USP7: variants seen among roughly 807,000 people sequenced by gnomAD.
USP7 encodes the protein ubiquitin C-terminal hydrolase 7.
Under a neutral mutation model 162.9 loss-of-function variants are expected in USP7, and 9 were observed. The observed-to-expected ratio is 0.06, with a 90% CI of 0.03 to 0.10. The LOEUF is 0.10. USP7 is among the 10% of genes least tolerant of loss of function. USP7 has a pLI of 1.00. For missense variants in USP7, 715 were observed against 1,373.7 expected, an observed-to-expected ratio of 0.52 and a Z score of 7.58; for synonymous variants, 562 against 475.9, an observed-to-expected ratio of 1.18 and a Z score of -2.35.
At chr16:8,923,666 T>A (rs998027912) in intron 2 of USP7, among the ~76,000 whole-genome samples, 2 of 152,174 alleles carry the variant, frequency 1.3e-5, no homozygotes, top group East Asian at 3.9e-4. Context: ...TCAGACTGAG[T>A]TCCACATGAG....
intron 1 of USP7, among the ~76,000 whole-genome samples, chr16:8,955,292 T>C (rs1020073813): frequency 6.6e-6 from 1 of 152,248 alleles, no homozygotes; most frequent in Non-Finnish European, 1.5e-5. Flanking sequence ...CACCCCAGGC[T>C]AGAGTGCAGT....
intron 12 of USP7, 107 bp downstream of exon 12, chr16:8,908,234 A>C (rs1028867657): frequency 4.4e-6 from 4 of 902,718 alleles, no homozygotes; most frequent in Non-Finnish European, 7.0e-6. Context: ...AAATCTAAAT[A>C]AATCAGATGT....
intron 10 of USP7, among the ~76,000 whole-genome samples, chr16:8,913,985 G>C (rs573659101): frequency 6.6e-6 from 1 of 151,802 alleles, no homozygotes; most frequent in East Asian, 1.9e-4. Flanking sequence ...CAATCCTCCC[G>C]ACTCAGCCTC....
chr16:8,917,512 G>A (rs1470789076), intron 6 of USP7, among the ~76,000 whole-genome samples: 1 of 152,088 alleles, frequency 6.6e-6, no homozygotes, highest in African/African-American at 2.4e-5. Flanking sequence ...CCGAGTAGCT[G>A]GAATTACAGG....
intron 2 of USP7, chr16:8,929,355 C>T: frequency 2.5e-6 from 1 of 401,348 alleles, no homozygotes. Flanking sequence ...CGGGTTTAGA[C>T]CACGCCTCTT....
At chr16:8,898,824 G>A in intron 23 of USP7, 185 bp from the exon 24 acceptor site, 1 of 618,240 alleles carries the variant, frequency 1.6e-6, no homozygotes, top group South Asian at 2.1e-5. Context: ...ACACTTGAAT[G>A]CTCTCTGCAA....
chr16:8,894,049 T>C lies in USP7; in HGVS notation c.3258A>G (p.Pro1086=). 6.2e-7 allele frequency: 1 copy of C among 1,614,166 alleles called. No individual in the cohort carries two copies. Among genetic ancestry groups the C allele is most frequent in the Non-Finnish European group, 8.5e-7 (1 of 1,180,044 alleles). Residue 1086 remains proline, a synonymous_variant, in exon 31 of 31, where the codon CCA becomes CCG. Coordinates refer to ENST00000344836, the MANE Select transcript of USP7 (RefSeq NM_003470.3). ...WLGLDHFNKA[P]KRSRYTYLEK... ...CAAGGTAAGTGTAGCGACTCCTCTT[T>C]GGGGCTTTGTTGAAGTGGTCGAGCC...
chr16:8,892,731 G>C lies in USP7; in HGVS notation c.*1267C>G, dbSNP rs1233812460. 1 of 152,114 alleles carries C rather than the reference G, an allele frequency of 6.6e-6. No homozygotes were observed. The highest frequency in any genetic ancestry group is 1.5e-5 in the Non-Finnish European group (1 of 68,034). The allele number at this position is 152,114 out of a possible 1,614,324, so 9.4% of individuals were successfully genotyped here. A position where few individuals can be genotyped will look rare whatever the true frequency, so the allele number is the denominator to read the frequency against. On this transcript the variant is annotated 3_prime_UTR_variant, in exon 31 of 31. Transcript: ENST00000344836. Reference sequence around the variant, plus strand: ...AAGGTTTCCCAGGCCTGTTTCCAGGGAGAGTAGAAATCTTCCTCCACTTCC... The same window carrying C: ...AAGGTTTCCCAGGCCTGTTTCCAGGCAGAGTAGAAATCTTCCTCCACTTCC...
intron 1 of USP7, among the ~76,000 whole-genome samples, chr16:8,939,336 T>G (rs1484339330): frequency 6.6e-6 from 1 of 152,150 alleles, no homozygotes; most frequent in Admixed American, 6.5e-5. Context: ...ACTTCACCAA[T>G]GCTATATAAA....
intron 13 of USP7, among the ~76,000 whole-genome samples, 186 bp from the exon 14 acceptor site, chr16:8,905,517 C>T (rs556233155): frequency 6.6e-6 from 1 of 152,310 alleles, no homozygotes; most frequent in South Asian, 2.1e-4. Context: ...CTCAGGCATC[C>T]GCTCATACAA....
rs78330977 is a variant in USP7, at chr16:8,955,016, C to G, written c.79+8191G>C. On this transcript the variant is annotated intron_variant, in intron 1 of 30. Coordinates refer to ENST00000344836, the MANE Select transcript of USP7 (RefSeq NM_003470.3). ...AGCAATTGCTGTTTCACACAACATT[C>G]TGCTCAGCTACCACGAGATGAATGA... Among the ~76,000 whole-genome samples, 22 of 152,340 alleles carry G rather than the reference C, an allele frequency of 1.4e-4. No homozygotes were observed. In the East Asian group the frequency reaches 4.0e-3, roughly 28 times the overall value.
intron 1 of USP7, among the ~76,000 whole-genome samples, chr16:8,951,216 C>G (rs972886329): frequency 2.0e-5 from 3 of 152,268 alleles, no homozygotes; most frequent in Non-Finnish European, 4.4e-5. Flanking sequence ...AATATTGTTT[C>G]CAAAGTTGCC....
In USP7 at chr16:8,893,937, T is replaced by C; in HGVS notation, c.*61A>G. ...CGGCTAGAGGGCACGTGCACCAAAG[T>C]TCTAGGCTGTTAAGGGGCCACCCAC... On this transcript the variant is annotated 3_prime_UTR_variant, in exon 31 of 31. Coordinates refer to ENST00000344836, the MANE Select transcript of USP7 (RefSeq NM_003470.3). 6.7e-7 allele frequency: 1 copy of C among 1,492,960 alleles called. No individual in the cohort carries two copies. The highest frequency in any genetic ancestry group is 9.3e-7 in the Non-Finnish European group (1 of 1,069,844). The allele number at this position is 1,492,960 out of a possible 1,614,324, so 92.5% of individuals were successfully genotyped here. A position where few individuals can be genotyped will look rare whatever the true frequency, so the allele number is the denominator to read the frequency against.
intron 1 of USP7, among the ~76,000 whole-genome samples, chr16:8,941,958 C>G (rs1899064841): frequency 6.6e-6 from 1 of 152,316 alleles, no homozygotes; most frequent in Admixed American, 6.5e-5. Context: ...AGCCACAGGG[C>G]TGGTTCATGT....
intron 3 of USP7, among the ~76,000 whole-genome samples, chr16:8,923,011 C>T (rs544971740): frequency 5.3e-5 from 8 of 152,314 alleles, no homozygotes; most frequent in African/African-American, 1.9e-4. Context: ...TAGATTCTAA[C>T]AAACTATTTT....
intron 21 of USP7, among the ~76,000 whole-genome samples, 167 bp downstream of exon 21, chr16:8,900,363 C>T (rs896043362): frequency 1.3e-5 from 2 of 152,138 alleles, no homozygotes; most frequent in Admixed American, 1.3e-4. Flanking sequence ...TGAAAATGTT[C>T]ACCACACCTA....
At chr16:8,909,702 C>T (rs894940496) in intron 11 of USP7, among the ~76,000 whole-genome samples, 5 of 152,098 alleles carry the variant, frequency 3.3e-5, no homozygotes, top group Admixed American at 2.0e-4. Flanking sequence ...CCGAGGCAGG[C>T]GGATCACAAG....
At chr16:8,900,176 T>C (rs868649237) in intron 21 of USP7, 32 of 331,616 alleles carry the variant, frequency 9.6e-5, no homozygotes, top group Middle Eastern at 1.7e-3. Flanking sequence ...GACCAAAGAC[T>C]GGCTGGTTTA....
chr16:8,898,230 C>A, intron 25 of USP7, 130 bp downstream of exon 25: 4 of 809,826 alleles, frequency 4.9e-6, no homozygotes, highest in South Asian at 1.7e-5. Context: ...CAGGGCTCCC[C>A]CAGCCCCCAT....
Sources: allele counts gnomAD v4.1 joint callset (sites outside exome capture counted in the v4.1 genomes callset), GRCh38; gene constraint gnomAD v4.1.1; transcripts MANE v1.5; gene names NCBI Gene and HGNC (gene_info 2026-07-23, HGNC 2026-07-21).